UBE3C: variants seen among roughly 807,000 people sequenced by gnomAD.
The protein encoded by UBE3C is ubiquitin protein ligase E3C, also known as ubiquitin-protein ligase E3C.
UBE3C carries 42 observed loss-of-function variants against 129.4 expected under a neutral mutation model. The observed-to-expected ratio is 0.32, with a 90% CI of 0.25 to 0.42. The LOEUF is 0.42. Among genes scored for constraint, UBE3C ranks in the 10% least tolerant of loss-of-function variants. The pLI is 1.00. For missense variants in UBE3C, 1,049 were observed against 1,319.1 expected, an observed-to-expected ratio of 0.80 and a Z score of 3.17; for synonymous variants, 510 against 492.4, an observed-to-expected ratio of 1.04 and a Z score of -0.47.
intron 18 of UBE3C, among the ~76,000 whole-genome samples, chr7:157,242,783 C>A (rs977304277): frequency 2.0e-5 from 3 of 151,972 alleles, no homozygotes; most frequent in Non-Finnish European, 4.4e-5. Flanking sequence ...CGAGCCAGGT[C>A]TGGTGGCTCA....
In UBE3C at chr7:157,183,851, T is replaced by TA. The variant is rs771312830; in HGVS notation, c.992-26dup. On this transcript the variant is annotated intron_variant, in intron 8 of 22. Coordinates refer to ENST00000348165, the MANE Select transcript of UBE3C (RefSeq NM_014671.3). ...TTTAAAAAATAATGTTTAACTAAAA[T>TA]ACGTTTTAACTGATTGTTTTGCAAA... 5 of 1,585,800 alleles carry TA rather than the reference T, an allele frequency of 3.2e-6. No homozygotes were observed. In the African/African-American group the frequency reaches 5.4e-5, roughly 17 times the overall value.
At chr7:157,187,169 A>G in intron 10 of UBE3C, 148 bp downstream of exon 10, 1 of 1,074,094 alleles carries the variant, frequency 9.3e-7, no homozygotes. Context: ...TTCATAAAAA[A>G]TAATTTGTGT....
chr7:157,234,603 T>C (rs888371312), intron 18 of UBE3C, among the ~76,000 whole-genome samples: 1 of 152,208 alleles, frequency 6.6e-6, no homozygotes, highest in African/African-American at 2.4e-5. Flanking sequence ...TGAAATGCAT[T>C]GTCGTAGCCC....
At chr7:157,266,170 C>T (rs1011213933) in intron 22 of UBE3C, among the ~76,000 whole-genome samples, 32 of 151,968 alleles carry the variant, frequency 2.1e-4, no homozygotes, top group African/African-American at 7.0e-4. Context: ...AAAAATTAGC[C>T]GGGCGTGGTG....
At chr7:157,256,837 G>T (rs573850273) in intron 21 of UBE3C, 77 bp from the exon 22 acceptor site, 1 of 1,584,800 alleles carries the variant, frequency 6.3e-7, no homozygotes, top group South Asian at 1.1e-5. Flanking sequence ...TTCCGTGGGT[G>T]TCTGGACCAA....
chr7:157,160,156 C>T (rs1433148976), intron 1 of UBE3C, among the ~76,000 whole-genome samples: 2 of 151,716 alleles, frequency 1.3e-5, no homozygotes, highest in East Asian at 3.9e-4. Flanking sequence ...CTCACTGCAA[C>T]TTCTGCCTCC....
chr7:157,266,176 T>C (rs1797073202), intron 22 of UBE3C, among the ~76,000 whole-genome samples: 1 of 151,764 alleles, frequency 6.6e-6, no homozygotes, highest in African/African-American at 2.4e-5. Flanking sequence ...TAGCCGGGCG[T>C]GGTGGCGGGA....
rs1278628609 is a variant in UBE3C at position 157,207,764 on chromosome 7, T to G, written c.1638T>G (p.Ser546=). The change falls in exon 13 of 23, where the codon TCT becomes TCG. Residue 546 remains serine, a synonymous_variant. Transcript: ENST00000348165. ...CTTTAGAAGAGCTGATAATGTTGTC[T>G]CGATGCCTTCGAGATGCATGCCTGG... The part of the protein sequence containing the change: ...PFTLEELIML[S]RCLRDACLGI... 3.1e-6 allele frequency: 5 copies of G among 1,614,214 alleles called. No homozygotes were observed. The Admixed American group carries it at 6.7e-5, about 22-fold the overall frequency.
At chr7:157,248,764 T>TAG in intron 19 of UBE3C, 184 bp downstream of exon 19, 1 of 615,056 alleles carries the variant, frequency 1.6e-6, no homozygotes, top group Non-Finnish European at 2.8e-6. Context: ...CTGAGCTGAG[T>TAG]GCAGTTCCTG....
At chr7:157,162,960 C>G (rs995143409) in intron 1 of UBE3C, among the ~76,000 whole-genome samples, 2 of 150,976 alleles carry the variant, frequency 1.3e-5, no homozygotes, top group Non-Finnish European at 3.0e-5. Context: ...CTTTCACTTC[C>G]TTCTACAAAC....
Position 157,154,907 on chromosome 7 carries a change from A to G in UBE3C, c.67-8903A>G, listed in dbSNP as rs1322648134. ...ACTGAAATGTATTTAATAATTACCT[A>G]TTGGAACCCTACCCATCCCTTAGAA... On this transcript the variant is annotated intron_variant, in intron 1 of 22. Transcript: ENST00000348165. Among the ~76,000 whole-genome samples, 3 of 152,330 alleles carry G rather than the reference A, an allele frequency of 2.0e-5. No homozygotes were observed. The East Asian group carries it at 5.8e-4, about 29-fold the overall frequency.
chr7:157,251,537 G>C (rs1238424656), intron 19 of UBE3C, among the ~76,000 whole-genome samples: 1 of 152,172 alleles, frequency 6.6e-6, no homozygotes, highest in Non-Finnish European at 1.5e-5. Context: ...CCTCATCTCA[G>C]ACGGGTGTGA....
At chr7:157,215,029 G>A (rs759265560) in intron 13 of UBE3C, among the ~76,000 whole-genome samples, 30 of 152,182 alleles carry the variant, frequency 2.0e-4, no homozygotes, top group African/African-American at 6.0e-4. Context: ...ATTTCCACTC[G>A]TTGAAGAAGG....
chr7:157,198,410 G>A (rs1809183129), intron 10 of UBE3C: 2 of 662,610 alleles, frequency 3.0e-6, no homozygotes, highest in Non-Finnish European at 5.5e-6. Context: ...TTTCTTTGCA[G>A]GTTCTTCACA....
chr7:157,143,974 CAG>C (rs991405457), intron 1 of UBE3C, among the ~76,000 whole-genome samples: 4 of 152,132 alleles, frequency 2.6e-5, no homozygotes. Context: ...GAGTGAATCT[CAG>C]GGAGGGAGGA....
intron 14 of UBE3C, among the ~76,000 whole-genome samples, chr7:157,218,388 G>T (rs1286052054): frequency 2.0e-5 from 3 of 151,948 alleles, no homozygotes; most frequent in Non-Finnish European, 4.4e-5. Flanking sequence ...TGCGGAGGTT[G>T]CAGTAAGCTG....
At position 157,139,189 on chromosome 7, in the gene UBE3C, C is replaced by A; in HGVS notation, c.-84C>A. On this transcript the variant is annotated 5_prime_UTR_variant, in exon 1 of 23. Coordinates refer to ENST00000348165, the MANE Select transcript of UBE3C (RefSeq NM_014671.3). ...TGCCCCGGGCCGGGCGGGCGGGCGC[C>A]GAGAGCCTCCCAGCCCGCCCCGTGC... The A allele has an allele frequency of 2.9e-6, 3 of 1,039,128 alleles. No individual in the cohort carries two copies. Among genetic ancestry groups the A allele is most frequent in the South Asian group, 4.4e-5 (1 of 22,834 alleles). The allele number at this position is 1,039,128 out of a possible 1,614,324, so 64.4% of individuals were successfully genotyped here. A position where few individuals can be genotyped will look rare whatever the true frequency, so the allele number is the denominator to read the frequency against.
At chr7:157,266,649 T>C (rs1016163947) in intron 22 of UBE3C, among the ~76,000 whole-genome samples, 2 of 152,252 alleles carry the variant, frequency 1.3e-5, no homozygotes, top group African/African-American at 2.4e-5. Context: ...GAATTTTCTA[T>C]TTAAAAACAG....
chr7:157,232,232 T>C (rs1467557104), intron 18 of UBE3C, among the ~76,000 whole-genome samples: 1 of 152,234 alleles, frequency 6.6e-6, no homozygotes. Context: ...TATCTGCAAA[T>C]ACCTCATTTC....
Sources: gnomAD v4.1 joint callset for allele counts (sites outside exome capture counted in the v4.1 genomes callset) on GRCh38, gnomAD v4.1.1 for gene constraint, MANE v1.5 for transcripts, NCBI Gene and HGNC (gene_info 2026-07-23, HGNC 2026-07-21) for gene names.